The following MYH15 variants were observed in gnomAD, a reference collection of about 807,000 sequenced individuals.
The protein encoded by MYH15 is myosin-15.
In MYH15, 227 loss-of-function variants were observed where a neutral mutation model predicts 240.5. The ratio of observed to expected loss-of-function variants is 0.94; its 90% CI spans 0.85 to 1.05. The LOEUF (loss-of-function observed/expected upper bound fraction) is 1.05, where lower values mean the gene tolerates loss of function less well. Ranked by LOEUF, MYH15 falls within the 50% of genes least tolerant of loss-of-function variation. MYH15 has a pLI of 0.00. For missense variants in MYH15, 2,217 were observed against 2,247.5 expected (o/e 0.99, Z 0.27); for synonymous variants, 785 against 796.7 (o/e 0.99, Z 0.25).
At chr3:108,415,840 G>C (rs2082628738) in intron 29 of MYH15, among the ~76,000 whole-genome samples, 1 of 152,176 alleles carries the variant, frequency 6.6e-6, no homozygotes, top group African/African-American at 2.4e-5. Context: ...GTCACAGAAG[G>C]AGGCTGGAGC....
In MYH15 at chr3:108,394,499, T is replaced by C. The variant is rs975019159; in HGVS notation, c.5134-343A>G. On this transcript the variant is annotated intron_variant, in intron 35 of 40. Coordinates refer to ENST00000693548, the MANE Select transcript of MYH15 (RefSeq NM_014981.3). ...TGCTTTTGGATGTGGTAGAAACAAG[T>C]GTTCTAGAGCAGAAGTTGGGGTCAG... Among the ~76,000 whole-genome samples, 7 of 152,206 alleles carry C rather than the reference T, an allele frequency of 4.6e-5. No individual in the cohort carries two copies. The South Asian group carries it at 1.0e-3, about 22-fold the overall frequency.
intron 15 of MYH15, among the ~76,000 whole-genome samples, chr3:108,464,216 G>A (rs1196111244): frequency 5.3e-5 from 8 of 152,114 alleles, no homozygotes; most frequent in Admixed American, 1.3e-4. Flanking sequence ...ATTAGAAACC[G>A]TTTTTGGCCA....
At chr3:108,526,910 A>C (rs2083676873) in intron 1 of MYH15, among the ~76,000 whole-genome samples, 3 of 152,160 alleles carry the variant, frequency 2.0e-5, no homozygotes, top group Admixed American at 2.0e-4. Flanking sequence ...CAGTGAGTTA[A>C]AATTTATTTA....
In MYH15 at chr3:108,456,823, G is replaced by T; in HGVS notation, c.2081C>A (p.Thr694Asn). 2 of 1,613,716 alleles carry T rather than the reference G, an allele frequency of 1.2e-6. No homozygotes were observed. The highest frequency in any genetic ancestry group is 1.7e-6 in the Non-Finnish European group (2 of 1,179,830). Residue 694 changes from threonine (T) to asparagine (N), a missense_variant, in exon 19 of 41, where the codon ACT becomes AAT. Thr to Asn is a moderately conservative substitution (Grantham distance 65). Transcript: ENST00000693548. ...QLRCNGVLEG[T>N]RICREGFPNR... ...TGGAAAACCTTCACGGCATATCCTA[G>T]TCCCTTCCAAGACACCATTACAGCG...
intron 24 of MYH15, 44 bp downstream of exon 24, chr3:108,439,693 A>C: frequency 7.0e-7 from 1 of 1,421,222 alleles, no homozygotes; most frequent in Non-Finnish European, 9.3e-7. Context: ...AGTTATGTGT[A>C]TATGTAGACA....
chr3:108,394,220 G>A (rs2082442448), intron 35 of MYH15, 64 bp from the exon 36 acceptor site: 2 of 1,600,922 alleles, frequency 1.2e-6, no homozygotes, highest in South Asian at 2.2e-5. Flanking sequence ...AAGCTGGTCT[G>A]TTCAGGACAT....
rs1311782015 is a variant in MYH15 at position 108,428,719 on chromosome 3, G to C, written c.3475C>G (p.Gln1159Glu). ...TGCAGCTTCTGGAATTTGGTTTCCTGTTTCTTAGTTATTTCCAGCTGAGCC... is the reference window on the plus strand; with the variant it reads ...TGCAGCTTCTGGAATTTGGTTTCCTCTTTCTTAGTTATTTCCAGCTGAGCC... ...SLAQLEITKKQETKFQKLHRD... is the reference protein window; with the variant it reads ...SLAQLEITKKEETKFQKLHRD... Residue 1159 changes from glutamine to glutamate, a missense_variant, in exon 27 of 41, where the codon CAG becomes GAG. Transcript: ENST00000693548. 1.9e-6 allele frequency: 3 copies of C among 1,613,836 alleles called. No homozygotes were observed. Among genetic ancestry groups the C allele is most frequent in the Non-Finnish European group, 1.7e-6 (2 of 1,179,976 alleles).
At position 108,428,695 on chromosome 3, in the gene MYH15, G is replaced by T. The variant is rs1368348537; in HGVS notation, c.3499C>A (p.His1167Asn). ...KKQETKFQKL[H>N]RDMEEATLHF... ...AGAGTGGCCTCTTCCATGTCTCGGT[G>T]CAGCTTCTGGAATTTGGTTTCCTGT... is the stretch of plus-strand genomic sequence containing the variant. The change falls in exon 27 of 41, where the codon CAC (histidine) becomes AAC (asparagine). Residue 1167 changes from histidine to asparagine, a missense_variant. Coordinates refer to ENST00000693548, the MANE Select transcript of MYH15 (RefSeq NM_014981.3). 3 of 1,613,850 alleles carry T rather than the reference G, an allele frequency of 1.9e-6. No homozygotes were observed. Among genetic ancestry groups the T allele is most frequent in the Non-Finnish European group, 2.5e-6 (3 of 1,179,978 alleles).
chr3:108,429,421 C>A (rs1273175949), intron 26 of MYH15, among the ~76,000 whole-genome samples: 1 of 151,854 alleles, frequency 6.6e-6, no homozygotes, highest in Non-Finnish European at 1.5e-5. Flanking sequence ...CAGGAGATTT[C>A]AAGGAAGAGA....
chr3:108,530,710 A>T (rs2083705671), upstream of MYH15, among the ~76,000 whole-genome samples: 1 of 152,152 alleles, frequency 6.6e-6, no homozygotes, highest in Non-Finnish European at 1.5e-5. Flanking sequence ...TTTTCCTCTC[A>T]ATTTTGCTGT....
chr3:108,395,310 T>C (rs1411884711), intron 35 of MYH15, among the ~76,000 whole-genome samples: 1 of 152,166 alleles, frequency 6.6e-6, no homozygotes, highest in African/African-American at 2.4e-5. Flanking sequence ...CCAGCATCAC[T>C]GGTTCTATCT....
intron 40 of MYH15, among the ~76,000 whole-genome samples, chr3:108,382,729 AAC>A (rs768740192): frequency 1.6e-4 from 25 of 152,230 alleles, no homozygotes; most frequent in Admixed American, 7.9e-4. Flanking sequence ...TCTGCCCGAA[AAC>A]ACAGAGAAAG....
rs1304196965 is a variant in MYH15 at position 108,381,034 on chromosome 3, G to A, written c.*511C>T. On this transcript the variant is annotated 3_prime_UTR_variant, in exon 41 of 41. Transcript: ENST00000693548. ...TACATGTTCAAATTGCCTAACTATA[G>A]CTATATTTATATCACAATGCTGAGG... 6.3e-6 allele frequency: 1 copy of A among 158,186 alleles called. No individual in the cohort carries two copies. The highest frequency in any genetic ancestry group is 6.2e-5 in the Admixed American group (1 of 16,226). 9.8% of individuals were successfully genotyped at this position (158,186 alleles called of 1,614,324 possible).
intron 33 of MYH15, among the ~76,000 whole-genome samples, chr3:108,400,835 G>A (rs1404916915): frequency 1.3e-5 from 2 of 152,090 alleles, no homozygotes; most frequent in African/African-American, 2.4e-5. Context: ...GAAGGCATAC[G>A]GCCTACAGGG....
At chr3:108,415,737 TA>T (rs1225687800) in intron 29 of MYH15, among the ~76,000 whole-genome samples, 1 of 152,088 alleles carries the variant, frequency 6.6e-6, no homozygotes, top group Non-Finnish European at 1.5e-5. Flanking sequence ...ATAAAAGTCC[TA>T]AGGCAGGAGT....
chr3:108,493,833 T>A (rs2083371926), intron 7 of MYH15, among the ~76,000 whole-genome samples: 1 of 152,240 alleles, frequency 6.6e-6, no homozygotes, highest in African/African-American at 2.4e-5. Context: ...AGTTTTATTT[T>A]ATGTGTGCTT....
chr3:108,461,562 G>A (rs1044090927), intron 16 of MYH15: 12 of 152,094 alleles, frequency 7.9e-5, no homozygotes, highest in African/African-American at 2.4e-4. Flanking sequence ...GTTAGAAGAC[G>A]ATTTCTCCTC....
intron 36 of MYH15, 50 bp downstream of exon 36, chr3:108,393,981 C>G (rs374299927): frequency 6.8e-6 from 11 of 1,611,422 alleles, no homozygotes; most frequent in Non-Finnish European, 8.5e-6. Flanking sequence ...TTGGCCACTG[C>G]GCCAGTGAAC....
chr3:108,424,192 G>A (rs1947542), intron 27 of MYH15, among the ~76,000 whole-genome samples: 4 of 152,084 alleles, frequency 2.6e-5, no homozygotes, highest in South Asian at 4.1e-4. Context: ...AGGTCTCCAC[G>A]TGGTGAAGGC....
Sources: gnomAD v4.1 joint callset for allele counts (sites outside exome capture counted in the v4.1 genomes callset) on GRCh38, gnomAD v4.1.1 for gene constraint, MANE v1.5 for transcripts, NCBI Gene and HGNC (gene_info 2026-07-23, HGNC 2026-07-21) for gene names.